FRMPD4: variants seen among roughly 807,000 people sequenced by gnomAD.
FRMPD4 encodes FERM and PDZ domain-containing protein 4.
In FRMPD4, 22 loss-of-function variants were observed where a neutral mutation model predicts 94.1. That is an observed-to-expected ratio of 0.23 (90% CI 0.17 to 0.33). FRMPD4 has a LOEUF of 0.33. FRMPD4 is among the 10% of genes least tolerant of loss of function. FRMPD4 has a pLI of 1.00. For missense variants in FRMPD4, 1,111 were observed against 1,339.9 expected (o/e 0.83, Z 2.67); for synonymous variants, 631 against 548.6 (o/e 1.15, Z -2.10).
intron 1 of FRMPD4, among the ~76,000 whole-genome samples, chrX:12,193,835 G>GA (rs200598680): frequency 0.23 from 6,671 of 28,484 alleles, 1,609 homozygotes; most frequent in East Asian, 0.41. Context: ...AGGAGGGAAG[G>GA]AAGAAAGAAA....
chrX:12,218,515 A>G (rs1357021688), intron 1 of FRMPD4, among the ~76,000 whole-genome samples: 2 of 112,195 alleles, frequency 1.8e-5, no homozygotes, highest in Non-Finnish European at 3.8e-5. Flanking sequence ...ATTGTAGTTT[A>G]TATCATCCAT....
At chrX:12,367,455 T>G (rs896290870) in intron 1 of FRMPD4, among the ~76,000 whole-genome samples, 1 of 112,479 alleles carries the variant, frequency 8.9e-6, no homozygotes, top group African/African-American at 3.2e-5. Flanking sequence ...AGTTGCGCAA[T>G]GAACCATCCT....
chrX:12,014,600 A>C (rs1198521502), intron 3 of FRMPD4, among the ~76,000 whole-genome samples: 1 of 111,641 alleles, frequency 9.0e-6, no homozygotes, highest in Non-Finnish European at 1.9e-5. Flanking sequence ...AAAGCAAAAG[A>C]TAGTATTTTT....
chrX:12,026,497 C>G (rs778399388), intron 3 of FRMPD4, among the ~76,000 whole-genome samples: 1 of 111,642 alleles, frequency 9.0e-6, no homozygotes, highest in Admixed American at 9.5e-5. Context: ...TATTGCTACC[C>G]AATATACTAA....
intron 1 of FRMPD4, among the ~76,000 whole-genome samples, chrX:12,326,883 G>A (rs1485096931): frequency 9.0e-6 from 1 of 110,909 alleles, no homozygotes; most frequent in African/African-American, 3.3e-5. Flanking sequence ...GATCCCTTGA[G>A]CCCAGGAGTT....
intron 3 of FRMPD4, among the ~76,000 whole-genome samples, chrX:12,040,023 G>C (rs2054744361): frequency 9.1e-6 from 1 of 109,946 alleles, no homozygotes; most frequent in African/African-American, 3.3e-5. Flanking sequence ...GTTGCTATTG[G>C]GTGCAGTATT....
At position 12,009,791 on chromosome X, in the gene FRMPD4, C is replaced by G. The variant is rs543759860; in HGVS notation, c.95+131773C>G. On this transcript the variant is annotated intron_variant, in intron 3 of 18. Transcript: ENST00000640291. Reference sequence around the variant, plus strand: ...TAACCAGCACAGGAAACGTACATTGCTTGTATCTTCTAAAGTGTTGGAGAA... The same window carrying G: ...TAACCAGCACAGGAAACGTACATTGGTTGTATCTTCTAAAGTGTTGGAGAA... Among the ~76,000 whole-genome samples, 9 of 112,208 alleles carry G rather than the reference C, an allele frequency of 8.0e-5. No individual in the cohort carries two copies. In the South Asian group the frequency reaches 1.5e-3, roughly 19 times the overall value.
At chrX:11,957,333 G>A (rs1468930583) in intron 3 of FRMPD4, among the ~76,000 whole-genome samples, 1 of 111,124 alleles carries the variant, frequency 9.0e-6, no homozygotes, top group Admixed American at 9.6e-5. Context: ...TGAGGCAGGA[G>A]GATCACTTGA....
chrX:12,289,599 T>G (rs1029733696), intron 1 of FRMPD4, among the ~76,000 whole-genome samples: 2 of 111,434 alleles, frequency 1.8e-5, no homozygotes, highest in Admixed American at 1.9e-4. Flanking sequence ...TCTTATGGAA[T>G]GTTCAGGGTG....
intron 1 of FRMPD4, among the ~76,000 whole-genome samples, chrX:12,170,506 G>A (rs763096216): frequency 2.7e-5 from 3 of 112,095 alleles, no homozygotes; most frequent in South Asian, 3.7e-4. Flanking sequence ...CCTGTCACAT[G>A]TTATGTTCCA....
Position 11,978,515 on chromosome X carries a change from T to A in FRMPD4, c.95+100497T>A, listed in dbSNP as rs112476850. ...TAAAAAAAACAAAATACATTTGGCA[T>A]TGGAAACCAATTCGAAGAATATATG... On this transcript the variant is annotated intron_variant, in intron 3 of 18. Transcript: ENST00000640291. 1.0e-2 allele frequency among the ~76,000 whole-genome samples: 1,103 copies of A among 110,434 alleles called. 9 individuals carry two copies. Among genetic ancestry groups the A allele is most frequent in the African/African-American group, 0.035 (1,068 of 30,377 alleles).
At chrX:12,497,880 T>C (rs1393291773) in intron 1 of FRMPD4, among the ~76,000 whole-genome samples, 1 of 110,989 alleles carries the variant, frequency 9.0e-6, no homozygotes, top group Non-Finnish European at 1.9e-5. Context: ...GGATGTTTGC[T>C]GCGGAAGAGC....
chrX:12,655,257 C>G (rs1296355385), intron 4 of FRMPD4, among the ~76,000 whole-genome samples: 1 of 111,925 alleles, frequency 8.9e-6, no homozygotes, highest in Non-Finnish European at 1.9e-5. Flanking sequence ...TAGGGAGAAA[C>G]TATTAAAATC....
intron 1 of FRMPD4, among the ~76,000 whole-genome samples, chrX:12,469,933 G>A (rs1259513374): frequency 8.9e-6 from 1 of 112,002 alleles, no homozygotes; most frequent in Non-Finnish European, 1.9e-5. Flanking sequence ...GCTGCCCCTG[G>A]AGACAAAAAC....
intron 3 of FRMPD4, among the ~76,000 whole-genome samples, chrX:12,070,192 G>T (rs2054955103): frequency 9.1e-6 from 1 of 110,040 alleles, no homozygotes; most frequent in Admixed American, 9.7e-5. Context: ...CCAAGAGGAG[G>T]GGTGGGTCCA....
intron 2 of FRMPD4, among the ~76,000 whole-genome samples, chrX:12,515,605 C>A (rs1432412325): frequency 9.0e-6 from 1 of 111,642 alleles, no homozygotes; most frequent in East Asian, 2.8e-4. Context: ...TTTCACTTCC[C>A]TTTATGTGAT....
chrX:12,506,685 A>G (rs374965226), intron 2 of FRMPD4, among the ~76,000 whole-genome samples: 3 of 113,008 alleles, frequency 2.7e-5, no homozygotes, highest in African/African-American at 6.4e-5. Flanking sequence ...AGATGAAAAT[A>G]TAAGAGCATT....
intron 3 of FRMPD4, among the ~76,000 whole-genome samples, chrX:11,983,871 A>T (rs2054411292): frequency 8.9e-6 from 1 of 112,515 alleles, no homozygotes; most frequent in South Asian, 3.7e-4. Context: ...CCTATACTAA[A>T]AAAAAGTTCA....
intron 3 of FRMPD4, among the ~76,000 whole-genome samples, chrX:11,951,836 C>A (rs1290374936): frequency 9.0e-6 from 1 of 111,366 alleles, no homozygotes; most frequent in Admixed American, 9.5e-5. Flanking sequence ...GAGTTCAAGA[C>A]CAGCCTGGGC....
Sources: gnomAD v4.1 joint callset for allele counts (sites outside exome capture counted in the v4.1 genomes callset) on GRCh38, gnomAD v4.1.1 for gene constraint, MANE v1.5 for transcripts, NCBI Gene and HGNC (gene_info 2026-07-23, HGNC 2026-07-21) for gene names.